STK32B: variants seen among roughly 807,000 people sequenced by gnomAD.
STK32B encodes the protein serine/threonine kinase 32B.
A neutral mutation model predicts 52.6 loss-of-function variants in STK32B; 43 were observed. The ratio of observed to expected loss-of-function variants is 0.82; its 90% confidence interval spans 0.64 to 1.05. STK32B has a LOEUF of 1.05. Ranked by LOEUF, STK32B falls within the 50% of genes least tolerant of loss-of-function variation. The pLI is 0.00. For synonymous variants in STK32B, 238 were observed against 204.3 expected (o/e 1.17, Z -1.41); for missense variants, 621 against 534.6 (o/e 1.16, Z -1.59).
At chr4:5,418,362 C>G (rs1363869221) in intron 6 of STK32B, among the ~76,000 whole-genome samples, 2 of 152,154 alleles carry the variant, frequency 1.3e-5, no homozygotes, top group Non-Finnish European at 2.9e-5. Flanking sequence ...ATATCATATG[C>G]ATGAGTTTTA....
rs1440320797 is a variant in STK32B at position 5,419,531 on chromosome 4, G to A, written c.562+2597G>A. ...GTACAAACTCCTACCAGCTTCAGCC[G>A]CTGTTCTCAAAGTCGTTGTCTGTGT... On this transcript the variant is annotated intron_variant, in intron 6 of 11. Coordinates refer to ENST00000282908, the MANE Select transcript of STK32B (RefSeq NM_018401.3). Among the ~76,000 whole-genome samples, 4 of 152,308 alleles carry A rather than the reference G, an allele frequency of 2.6e-5. 1 individual carries two copies. Among genetic ancestry groups the A allele is most frequent in the African/African-American group, 7.2e-5 (3 of 41,564 alleles).
chr4:5,463,688 C>T (rs1237184329), intron 9 of STK32B, among the ~76,000 whole-genome samples: 1 of 152,132 alleles, frequency 6.6e-6, no homozygotes, highest in Admixed American at 6.5e-5. Context: ...CACATGCCCA[C>T]CTACAGGGCA....
intron 6 of STK32B, among the ~76,000 whole-genome samples, chr4:5,429,702 A>G (rs771536626): frequency 6.6e-6 from 1 of 152,094 alleles, no homozygotes; most frequent in South Asian, 2.1e-4. Flanking sequence ...AGCTGTTATT[A>G]TATTCATTCT....
At chr4:5,265,951 G>A (rs894383056) in intron 3 of STK32B, among the ~76,000 whole-genome samples, 1 of 151,936 alleles carries the variant, frequency 6.6e-6, no homozygotes, top group Non-Finnish European at 1.5e-5. Flanking sequence ...TTTAATATTT[G>A]GTGATATATT....
chr4:5,021,198 C>T, the STK32B span, among the ~76,000 whole-genome samples: 38 of 152,320 alleles, frequency 2.5e-4, no homozygotes, highest in East Asian at 7.7e-4. Flanking sequence ...GATAGCATCA[C>T]GCTGGGCGAT....
chr4:5,147,275 G>T (rs879445837), intron 2 of STK32B, among the ~76,000 whole-genome samples: 1 of 152,002 alleles, frequency 6.6e-6, no homozygotes, highest in African/African-American at 2.4e-5. Flanking sequence ...TAAAATTTTT[G>T]TATCTTAATC....
intron 3 of STK32B, among the ~76,000 whole-genome samples, chr4:5,306,617 G>A (rs913671055): frequency 6.6e-6 from 1 of 152,118 alleles, no homozygotes; most frequent in Non-Finnish European, 1.5e-5. Context: ...CTCTTAAATG[G>A]AGCATTTAGG....
intron 3 of STK32B, among the ~76,000 whole-genome samples, chr4:5,264,251 T>C (rs1220704173): frequency 1.3e-5 from 2 of 152,210 alleles, no homozygotes; most frequent in Non-Finnish European, 2.9e-5. Flanking sequence ...CCAAAAGTTA[T>C]CATAAAATTT....
At chr4:5,170,946 C>G (rs1176177765) in intron 3 of STK32B, among the ~76,000 whole-genome samples, 6 of 152,200 alleles carry the variant, frequency 3.9e-5, no homozygotes, top group Admixed American at 2.6e-4. Flanking sequence ...AGTCCTATTT[C>G]TCCACATCCT....
chr4:5,466,125 C>G (rs1026485336), intron 9 of STK32B, among the ~76,000 whole-genome samples: 3 of 152,100 alleles, frequency 2.0e-5, no homozygotes, highest in African/African-American at 7.2e-5. Flanking sequence ...AAGTGGCTAC[C>G]AGGAATCTGG....
At chr4:5,136,566 C>T (rs934805089) in intron 1 of STK32B, among the ~76,000 whole-genome samples, 1 of 152,128 alleles carries the variant, frequency 6.6e-6, no homozygotes, top group African/African-American at 2.4e-5. Flanking sequence ...TGCAGAACTT[C>T]CCGTACTAAA....
chr4:5,334,083 A>C (rs531496944), intron 4 of STK32B, among the ~76,000 whole-genome samples: 5 of 151,882 alleles, frequency 3.3e-5, no homozygotes, highest in African/African-American at 1.2e-4. Context: ...GGCCATTTTC[A>C]CGATATTGAT....
chr4:5,190,785 CA>C (rs1047432656), intron 3 of STK32B, among the ~76,000 whole-genome samples: 18 of 152,114 alleles, frequency 1.2e-4, no homozygotes, highest in Admixed American at 3.9e-4. Flanking sequence ...GAAGAAGTAG[CA>C]CCTCTTGGGT....
At chr4:5,455,081 C>G (rs1221196893) in intron 7 of STK32B, among the ~76,000 whole-genome samples, 1 of 152,194 alleles carries the variant, frequency 6.6e-6, no homozygotes, top group African/African-American at 2.4e-5. Context: ...AAAAAAGCTC[C>G]CTTCTGGGTG....
intron 1 of STK32B, among the ~76,000 whole-genome samples, chr4:5,108,604 G>T (rs1455429211): frequency 6.6e-6 from 1 of 152,170 alleles, no homozygotes; most frequent in African/African-American, 2.4e-5. Context: ...AGATTTATTT[G>T]TGGCAATATA....
At chr4:5,393,163 C>T (rs1025519694) in intron 4 of STK32B, among the ~76,000 whole-genome samples, 1 of 152,172 alleles carries the variant, frequency 6.6e-6, no homozygotes, top group Non-Finnish European at 1.5e-5. Context: ...CCTCCCATTC[C>T]TCCCCAACCC....
chr4:5,034,048 G>A, the STK32B span, among the ~76,000 whole-genome samples: 1 of 152,096 alleles, frequency 6.6e-6, no homozygotes, highest in Non-Finnish European at 1.5e-5. Context: ...CTTTACAAAA[G>A]AAGAAGGAAA....
chr4:5,020,496 A>G, the STK32B span, among the ~76,000 whole-genome samples: 6 of 152,210 alleles, frequency 3.9e-5, no homozygotes, highest in Non-Finnish European at 8.8e-5. Context: ...TCTGTGAGGT[A>G]GGTGCCACAG....
intron 3 of STK32B, among the ~76,000 whole-genome samples, chr4:5,323,592 C>T (rs1441836854): frequency 6.6e-6 from 1 of 152,194 alleles, no homozygotes; most frequent in Non-Finnish European, 1.5e-5. Flanking sequence ...GCCTAGCACC[C>T]TTCCTTCCCC....
Sources: allele counts gnomAD v4.1 joint callset (sites outside exome capture counted in the v4.1 genomes callset), GRCh38; gene constraint gnomAD v4.1.1; transcripts MANE v1.5; gene names NCBI Gene and HGNC (gene_info 2026-07-23, HGNC 2026-07-21).